Variants in TENM4 observed in about 807,000 individuals in gnomAD.
The protein encoded by TENM4 is teneurin transmembrane protein 4, also known as teneurin-4.
A neutral mutation model predicts 243.3 loss-of-function variants in TENM4; 82 were observed. The ratio of observed to expected loss-of-function variants is 0.34; its 90% CI spans 0.28 to 0.40. The LOEUF is 0.40. Among genes scored for constraint, TENM4 ranks in the 10% least tolerant of loss-of-function variants. The pLI is 1.00. For missense variants in TENM4, 3,138 were observed against 3,673.3 expected, an observed-to-expected ratio of 0.85 and a Z score of 3.77; for synonymous variants, 1,412 against 1,456.3, an observed-to-expected ratio of 0.97 and a Z score of 0.69.
intron 3 of TENM4, among the ~76,000 whole-genome samples, chr11:79,191,955 G>GCCC (rs201346247): frequency 1.7e-3 from 262 of 151,776 alleles, no homozygotes; most frequent in African/African-American, 5.9e-3. Flanking sequence ...GTGGGGGTCA[G>GCCC]CCCCCCGCCC....
intron 4 of TENM4, among the ~76,000 whole-genome samples, chr11:79,080,992 G>T (rs1043274498): frequency 1.3e-5 from 2 of 152,128 alleles, no homozygotes; most frequent in African/African-American, 4.8e-5. Flanking sequence ...TAATTACCTG[G>T]GTGCCCTATT....
intron 1 of TENM4, among the ~76,000 whole-genome samples, chr11:79,363,604 A>G (rs1590911559): frequency 6.6e-6 from 1 of 152,216 alleles, no homozygotes; most frequent in Non-Finnish European, 1.5e-5. Flanking sequence ...TACATGAGAC[A>G]ATGTGTGTAA....
chr11:78,708,347 T>G lies in TENM4; in HGVS notation c.4209+14A>C. 6.2e-7 allele frequency: 1 copy of G among 1,613,764 alleles called. No homozygotes were observed. The highest frequency in any genetic ancestry group is 8.5e-7 in the Non-Finnish European group (1 of 1,179,748). On this transcript the variant is annotated intron_variant, in intron 27 of 33. Transcript: ENST00000278550. ...TGGGCAGTCCCAGGGCTTTGGTAGA[T>G]GAAGCCATCTTACCTGGGAAATATC... is the stretch of plus-strand genomic sequence containing the variant.
At chr11:79,410,751 G>C (rs1381992340) in intron 1 of TENM4, among the ~76,000 whole-genome samples, 1 of 152,194 alleles carries the variant, frequency 6.6e-6, no homozygotes, top group Non-Finnish European at 1.5e-5. Context: ...GTGAAGGCTA[G>C]GAGCTTAGGA....
At chr11:79,025,244 G>T (rs1181973906) in intron 6 of TENM4, among the ~76,000 whole-genome samples, 1 of 151,228 alleles carries the variant, frequency 6.6e-6, no homozygotes, top group African/African-American at 2.5e-5. Flanking sequence ...CATCCAGGAA[G>T]ACTTGGCATA....
intron 6 of TENM4, among the ~76,000 whole-genome samples, chr11:79,000,982 G>T (rs112901333): frequency 0.14 from 21,371 of 152,220 alleles, 1,557 homozygotes; most frequent in Middle Eastern, 0.26. Context: ...AGTGAGCTGA[G>T]ATTGCACCAC....
chr11:78,997,494 A>G (rs991636693), intron 6 of TENM4, among the ~76,000 whole-genome samples: 2 of 152,228 alleles, frequency 1.3e-5, no homozygotes, highest in Non-Finnish European at 2.9e-5. Context: ...TACGTGCCAT[A>G]GTTATAATTC....
intron 6 of TENM4, among the ~76,000 whole-genome samples, chr11:79,037,106 G>C (rs1273476381): frequency 6.6e-6 from 1 of 152,062 alleles, no homozygotes; most frequent in African/African-American, 2.4e-5. Flanking sequence ...GTGAGGATGA[G>C]GGCAGGTAGG....
intron 4 of TENM4, among the ~76,000 whole-genome samples, chr11:79,100,940 G>T (rs1011955613): frequency 1.3e-5 from 2 of 152,184 alleles, no homozygotes; most frequent in African/African-American, 4.8e-5. Context: ...ACACCAGACT[G>T]GGGTAGGGAA....
intron 28 of TENM4, among the ~76,000 whole-genome samples, chr11:78,701,036 C>T (rs1179675050): frequency 1.3e-5 from 2 of 152,068 alleles, no homozygotes; most frequent in Non-Finnish European, 2.9e-5. Context: ...AAGAAAAGTC[C>T]CATGCAAAAT....
chr11:79,050,503 C>T (rs529413534), intron 6 of TENM4, among the ~76,000 whole-genome samples: 5 of 152,312 alleles, frequency 3.3e-5, no homozygotes, highest in Admixed American at 1.3e-4. Flanking sequence ...GAAGCACCTT[C>T]TTTTGCACTT....
At position 78,896,738 on chromosome 11, in the gene TENM4, G is replaced by A. The variant is rs1368443740; in HGVS notation, c.750-5402C>T. Among the ~76,000 whole-genome samples, 5 of 152,238 alleles carry A rather than the reference G, an allele frequency of 3.3e-5. No homozygotes were observed. The East Asian group carries it at 5.8e-4, about 18-fold the overall frequency. On this transcript the variant is annotated intron_variant, in intron 7 of 33. Transcript: ENST00000278550. ...AGCTATTTTGAACAATCAGGAAGACGGCACTGCATAGTGGTTAGGTGTGTG... is the reference window on the plus strand; with the variant it reads ...AGCTATTTTGAACAATCAGGAAGACAGCACTGCATAGTGGTTAGGTGTGTG...
intron 1 of TENM4, among the ~76,000 whole-genome samples, chr11:79,439,897 A>G (rs1461422486): frequency 6.6e-6 from 1 of 152,062 alleles, no homozygotes; most frequent in East Asian, 1.9e-4. Context: ...GTTGGCTCCT[A>G]GACGAACATC....
At chr11:79,393,901 G>T (rs540260006) in intron 1 of TENM4, among the ~76,000 whole-genome samples, 1 of 152,174 alleles carries the variant, frequency 6.6e-6, no homozygotes, top group Non-Finnish European at 1.5e-5. Flanking sequence ...GTGGGGGGTT[G>T]GAGGATGCAT....
At chr11:79,066,739 C>CACGCACGCA (rs1303987308) in intron 5 of TENM4, among the ~76,000 whole-genome samples, 3 of 147,356 alleles carry the variant, frequency 2.0e-5, no homozygotes, top group African/African-American at 5.2e-5. Context: ...CGCGCACGCA[C>CACGCACGCA]ATGCACACAC....
At chr11:79,419,148 C>T (rs1211383675) in intron 1 of TENM4, among the ~76,000 whole-genome samples, 1 of 152,190 alleles carries the variant, frequency 6.6e-6, no homozygotes, top group Non-Finnish European at 1.5e-5. Context: ...AAACTCGCAT[C>T]TAAAGTGGTG....
At chr11:78,940,016 A>T (rs1036713448) in intron 6 of TENM4, among the ~76,000 whole-genome samples, 6 of 152,164 alleles carry the variant, frequency 3.9e-5, no homozygotes, top group Non-Finnish European at 8.8e-5. Context: ...AAGGAAAAAA[A>T]TGTATAAAAG....
rs2277277 is a variant in TENM4 at position 78,661,491 on chromosome 11, G to A, written c.7509C>T (p.Leu2503=). Residue 2503 remains leucine, a synonymous_variant, in exon 33 of 34, where the codon CTC becomes CTT. Coordinates refer to ENST00000278550, the MANE Select transcript of TENM4 (RefSeq NM_001098816.3). ...CCTGCGTTTTCATCTGTGTGTGGAT[G>A]AGCTCGTAGGAGGGTTCCATGGCAT... The part of the protein sequence containing the change: ...DMDAMEPSYE[L]IHTQMKTQEW... The A allele has an allele frequency of 0.61, 978,450 of 1,609,976 alleles. 311,606 individuals are homozygous for A. Among genetic ancestry groups the A allele is most frequent in the Non-Finnish European group, 0.67 (790,333 of 1,178,100 alleles).
chr11:79,217,754 C>T (rs1864080990), intron 2 of TENM4, among the ~76,000 whole-genome samples: 1 of 151,116 alleles, frequency 6.6e-6, no homozygotes, highest in South Asian at 2.1e-4. Flanking sequence ...GAGGATTTTG[C>T]TCTTGTGGCC....
Sources: allele counts gnomAD v4.1 joint callset (sites outside exome capture counted in the v4.1 genomes callset), GRCh38; gene constraint gnomAD v4.1.1; transcripts MANE v1.5; gene names NCBI Gene and HGNC (gene_info 2026-07-23, HGNC 2026-07-21).